Variants in TRAPPC9 observed in about 807,000 individuals in gnomAD.
TRAPPC9 encodes the protein trafficking protein particle complex subunit 9, also known as IKK2 binding protein.
In TRAPPC9, 83 loss-of-function variants were observed where a neutral mutation model predicts 124.0. The observed-to-expected ratio is 0.67, with a 90% CI of 0.56 to 0.80. The LOEUF (loss-of-function observed/expected upper bound fraction) is 0.80. Ranked by LOEUF, TRAPPC9 falls within the 30% of genes least tolerant of loss-of-function variation. The probability of loss-of-function intolerance (pLI) is 0.00; values close to 1 mark genes in which losing one functional copy is unlikely to be tolerated. For missense variants in TRAPPC9, 1,302 were observed against 1,508.3 expected, an observed-to-expected ratio of 0.86 and a Z score of 2.27; for synonymous variants, 638 against 617.5, an observed-to-expected ratio of 1.03 and a Z score of -0.49.
intron 18 of TRAPPC9, among the ~76,000 whole-genome samples, chr8:140,017,478 G>C (rs1839543844): frequency 6.6e-6 from 1 of 152,134 alleles, no homozygotes; most frequent in Non-Finnish European, 1.5e-5. Context: ...TTATTAAAAA[G>C]ACTTTTCTTT....
intron 10 of TRAPPC9, among the ~76,000 whole-genome samples, chr8:140,309,863 G>A (rs149381028): frequency 6.6e-6 from 1 of 152,310 alleles, no homozygotes; most frequent in Admixed American, 6.5e-5. Context: ...TGGACATTCT[G>A]AGGAGCAGCC....
intron 21 of TRAPPC9, among the ~76,000 whole-genome samples, chr8:139,847,568 C>T (rs903168773): frequency 1.0e-4 from 15 of 143,526 alleles, no homozygotes; most frequent in East Asian, 4.3e-4. Flanking sequence ...TGTCCCCTGG[C>T]GGCGTGGCCT....
chr8:139,897,907 A>C (rs571907618), intron 20 of TRAPPC9, among the ~76,000 whole-genome samples: 9 of 152,382 alleles, frequency 5.9e-5, no homozygotes, highest in African/African-American at 2.2e-4. Flanking sequence ...CGTTAGAGGC[A>C]CTTGTGTTGC....
chr8:140,292,893 C>T (rs1214202478), intron 11 of TRAPPC9, among the ~76,000 whole-genome samples: 1 of 141,310 alleles, frequency 7.1e-6, no homozygotes, highest in African/African-American at 2.8e-5. Context: ...AGAGCTTCTG[C>T]ACAGCAAAAG....
At chr8:140,318,183 G>T (rs992661857) in intron 9 of TRAPPC9, among the ~76,000 whole-genome samples, 7 of 152,170 alleles carry the variant, frequency 4.6e-5, no homozygotes, top group Non-Finnish European at 8.8e-5. Flanking sequence ...ATGGATATAT[G>T]AGGATTCATT....
In TRAPPC9 at chr8:140,303,716, T is replaced by C. The variant is rs116977038; in HGVS notation, c.1623-3102A>G. ...ATAGGGATGTATTTTGGCTCCTTTT[T>C]CATTACTTGCATCGGAATTACTTGA... On this transcript the variant is annotated intron_variant, in intron 10 of 22. Transcript: ENST00000438773. Among the ~76,000 whole-genome samples, 378 of 152,366 alleles carry C rather than the reference T, an allele frequency of 2.5e-3. 11 individuals are homozygous for C. The highest frequency in any genetic ancestry group is 0.02 in the East Asian group (103 of 5,192).
chr8:140,267,280 C>T (rs1190238582), intron 15 of TRAPPC9, among the ~76,000 whole-genome samples: 1 of 152,232 alleles, frequency 6.6e-6, no homozygotes, highest in Non-Finnish European at 1.5e-5. Context: ...AGGCAGGCTC[C>T]TGCAGGCACC....
chr8:140,121,581 G>C (rs1035832079), intron 17 of TRAPPC9, among the ~76,000 whole-genome samples: 20 of 152,224 alleles, frequency 1.3e-4, no homozygotes, highest in African/African-American at 4.8e-4. Context: ...AGAGAGGACA[G>C]AGTGGATTCA....
At chr8:140,122,505 C>T (rs1175513746) in intron 17 of TRAPPC9, among the ~76,000 whole-genome samples, 2 of 152,188 alleles carry the variant, frequency 1.3e-5, no homozygotes, top group Non-Finnish European at 2.9e-5. Context: ...AGTTCAGTGC[C>T]TATATCTGCT....
rs990603313 is a variant in TRAPPC9 at position 139,788,948 on chromosome 8, T to C, written c.3056-56746A>G. 2.6e-5 allele frequency among the ~76,000 whole-genome samples: 4 copies of C among 152,162 alleles called. No homozygotes were observed. The East Asian group carries it at 7.7e-4, about 29-fold the overall frequency. The stretch of plus-strand genomic sequence containing the variant: ...AGCCCACGTGGGGAGCATTTTGTTT[T>C]GAAAAAGCCAAAAACAAAACACTGA... On this transcript the variant is annotated intron_variant, in intron 21 of 22. Transcript: ENST00000438773. The surrounding 1 kb of genome is among the most constrained non-coding windows in gnomAD (Gnocchi z 4.9).
At chr8:139,894,390 G>A (rs1169539644) in intron 20 of TRAPPC9, among the ~76,000 whole-genome samples, 1 of 152,112 alleles carries the variant, frequency 6.6e-6, no homozygotes, top group Non-Finnish European at 1.5e-5. Context: ...TCCTTTCCAG[G>A]AGGGGTCAGC....
chr8:139,935,179 A>G (rs967295160), intron 19 of TRAPPC9, among the ~76,000 whole-genome samples: 4 of 152,222 alleles, frequency 2.6e-5, no homozygotes, highest in African/African-American at 9.6e-5. Context: ...GTCTGCGTGC[A>G]GGACCTTCTG....
chr8:139,981,881 C>T (rs908798416), intron 19 of TRAPPC9, among the ~76,000 whole-genome samples: 8 of 152,216 alleles, frequency 5.3e-5, no homozygotes, highest in Non-Finnish European at 8.8e-5. Context: ...CAGATCCTGC[C>T]GGCGGTCCAT....
chr8:140,256,528 G>A (rs1267252209), intron 15 of TRAPPC9, among the ~76,000 whole-genome samples: 2 of 150,852 alleles, frequency 1.3e-5, no homozygotes. Flanking sequence ...CTCCACGCAG[G>A]ACCCCCGGGC....
upstream of TRAPPC9, chr8:140,458,382 A>AC (rs761136198): frequency 6.3e-7 from 1 of 1,598,152 alleles, no homozygotes; most frequent in East Asian, 2.3e-5. Flanking sequence ...ACCCCCTGTG[A>AC]CCCTCACGGT....
At chr8:140,023,581 C>T (rs934451468) in intron 18 of TRAPPC9, among the ~76,000 whole-genome samples, 7 of 152,184 alleles carry the variant, frequency 4.6e-5, no homozygotes, top group African/African-American at 1.7e-4. Context: ...AAGACATGTG[C>T]TATCCACTGA....
intron 17 of TRAPPC9, among the ~76,000 whole-genome samples, chr8:140,146,892 A>T (rs1183218054): frequency 6.6e-6 from 1 of 151,392 alleles, no homozygotes; most frequent in African/African-American, 2.4e-5. Context: ...CAGGGAAAAG[A>T]GCACTTATTT....
At position 140,104,645 on chromosome 8, in the gene TRAPPC9, C is replaced by T. The variant is rs986985318; in HGVS notation, c.2557-80566G>A. Among the ~76,000 whole-genome samples, 8 of 152,146 alleles carry T rather than the reference C, an allele frequency of 5.3e-5. No individual in the cohort carries two copies. The highest frequency in any genetic ancestry group is 6.5e-5 in the Admixed American group (1 of 15,274). On this transcript the variant is annotated intron_variant, in intron 17 of 22. Coordinates refer to ENST00000438773, the MANE Select transcript of TRAPPC9 (RefSeq NM_001160372.4). The surrounding 1 kb of genome is among the most constrained non-coding windows in gnomAD (Gnocchi z 4.0). ...GACAACGCAGGCGGCAGGAATGCTG[C>T]GTCACACACAGGTGCTGTAAAAAGC...
chr8:140,115,132 T>A (rs1257762401), intron 17 of TRAPPC9, among the ~76,000 whole-genome samples: 3 of 152,202 alleles, frequency 2.0e-5, no homozygotes, highest in Non-Finnish European at 4.4e-5. Flanking sequence ...ACCGAAATCC[T>A]TGATTCTCGA....
Sources: gnomAD v4.1 joint callset for allele counts (sites outside exome capture counted in the v4.1 genomes callset) on GRCh38, gnomAD v4.1.1 for gene constraint, Gnocchi (gnomAD v3.1) non-coding constraint, MANE v1.5 for transcripts, NCBI Gene and HGNC (gene_info 2026-07-23, HGNC 2026-07-21) for gene names.